The following CAPN12 variants were observed in gnomAD, a reference collection of about 807,000 sequenced individuals.
The protein encoded by CAPN12 is calpain-12.
In CAPN12, 107 loss-of-function variants were observed where a neutral mutation model predicts 95.0. That is an observed-to-expected ratio of 1.13 (90% CI 0.96 to 1.32). The LOEUF (loss-of-function observed/expected upper bound fraction) is 1.32, where lower values mean the gene tolerates loss of function less well. Ranked by LOEUF, CAPN12 falls within the 40% of genes most tolerant of loss-of-function variation. The pLI is 0.00. For synonymous variants in CAPN12, 505 were observed against 415.5 expected (o/e 1.22, Z -2.62); for missense variants, 1,136 against 997.8 (o/e 1.14, Z -1.87).
chr19:38,733,575 C>A, intron 18 of CAPN12, 128 bp downstream of exon 18: 5 of 807,244 alleles, frequency 6.2e-6, no homozygotes, highest in Non-Finnish European at 9.9e-6. Context: ...GGACTGGCAA[C>A]AAGCTAAGGT....
At chr19:38,733,863 G>A (rs1487697727) in intron 17 of CAPN12, 82 bp from the exon 18 acceptor site, 2 of 1,202,420 alleles carry the variant, frequency 1.7e-6, no homozygotes, top group South Asian at 1.3e-5. Flanking sequence ...AGACAGCCTG[G>A]TGCCCATCCC....
At chr19:38,739,892 T>G in intron 5 of CAPN12, 159 bp downstream of exon 5, 1 of 704,574 alleles carries the variant, frequency 1.4e-6, no homozygotes, top group Non-Finnish European at 2.1e-6. Context: ...CCCTGATTCA[T>G]GAGAGCAAAT....
chr19:38,731,310 T>TA, intron 18 of CAPN12, 87 bp from the exon 19 acceptor site: 1 of 995,426 alleles, frequency 1.0e-6, no homozygotes, highest in Non-Finnish European at 1.6e-6. Flanking sequence ...AGGGAGGACA[T>TA]GAATGCCACA....
chr19:38,734,264 C>A (rs1969849638), intron 16 of CAPN12, 55 bp downstream of exon 16: 2 of 1,603,830 alleles, frequency 1.2e-6, no homozygotes, highest in African/African-American at 1.3e-5. Flanking sequence ...GGAGGAGAGA[C>A]CCCAACGTCC....
intron 14 of CAPN12, 54 bp downstream of exon 14, chr19:38,735,316 T>C (rs1331387886): frequency 6.7e-7 from 1 of 1,481,754 alleles, no homozygotes; most frequent in Admixed American, 2.2e-5. Context: ...GGAAGGGGGG[T>C]CCCCAAGGGG....
In CAPN12 at chr19:38,734,381, G is replaced by A. The variant is rs375291951; in HGVS notation, c.1753C>T (p.His585Tyr). 2.7e-5 allele frequency: 43 copies of A among 1,598,112 alleles called. No individual in the cohort carries two copies. The highest frequency in any genetic ancestry group is 1.9e-4 in the Admixed American group (11 of 57,722). Residue 585 changes from histidine (H) to tyrosine (Y), a missense_variant, in exon 16 of 21, where the codon CAT becomes TAT. His to Tyr is a moderately conservative substitution (Grantham distance 83). Coordinates refer to ENST00000328867, the MANE Select transcript of CAPN12 (RefSeq NM_144691.4). ...LSIALEPARA[H>Y]TSTPREIGLR... ...CCGATCTCTCTGGGGGTGGAGGTAT[G>A]GGCCCTGGCTACAGGAAAAACAAAG...
Position 38,736,542 on chromosome 19 carries a change from C to G in CAPN12, c.1374+10G>C, listed in dbSNP as rs1265392174. The G allele has an allele frequency of 1.9e-6, 3 of 1,575,698 alleles. No homozygotes were observed. Among genetic ancestry groups the G allele is most frequent in the East Asian group, 4.7e-5 (2 of 42,674 alleles). On this transcript the variant is annotated intron_variant, in intron 11 of 20. Transcript: ENST00000328867. ...AGCCCCAGGGCCGGTTGACCCCATCCCAGACTCACCTCCTCTGGAATCTGA... is the reference window on the plus strand; with the variant it reads ...AGCCCCAGGGCCGGTTGACCCCATCGCAGACTCACCTCCTCTGGAATCTGA...
rs1311103877 is a variant in CAPN12, at chr19:38,743,095, C to A, written c.245G>T (p.Cys82Phe). 1.2e-6 allele frequency: 2 copies of A among 1,613,908 alleles called. No individual in the cohort carries two copies. The highest frequency in any genetic ancestry group is 2.2e-5 in the East Asian group (1 of 44,898). The change falls in exon 2 of 21, where the codon TGT (cysteine) becomes TTT (phenylalanine). Residue 82 changes from cysteine to phenylalanine, a missense_variant. Transcript: ENST00000328867. Reference sequence around the variant, plus strand: ...TTCACAGATGAACTTCGGCTCAGCACAGAACTCCTGTGGGTGGTGGGGGAT... The same window carrying A: ...TTCACAGATGAACTTCGGCTCAGCAAAGAACTCCTGTGGGTGGTGGGGGAT... ...GVKWMRPHEF[C>F]AEPKFICEDM...
chr19:38,731,144 CCGCT>C lies in CAPN12; in HGVS notation c.2033_2036del (p.Glu678GlyfsTer29), dbSNP rs1568762334. On this transcript the variant is annotated frameshift_variant, in exon 19 of 21. Coordinates refer to ENST00000328867, the MANE Select transcript of CAPN12 (RefSeq NM_144691.4). LOFTEE classifies it high-confidence loss of function. Reference sequence around the variant, plus strand: ...TGAGGTGGGCCACACAGGACACGAACCGCTCGAAGTCCACACGCAGACGGCTATC... The same window carrying C: ...TGAGGTGGGCCACACAGGACACGAACCGAAGTCCACACGCAGACGGCTATC... The C allele has an allele frequency of 1.2e-5, 19 of 1,613,056 alleles. No homozygotes were observed. The highest frequency in any genetic ancestry group is 1.4e-5 in the Non-Finnish European group (17 of 1,179,968).
In CAPN12 at chr19:38,739,789, G is replaced by C. The variant is rs1970442058; in HGVS notation, c.729+262C>G. On this transcript the variant is annotated intron_variant, in intron 5 of 20. Coordinates refer to ENST00000328867, the MANE Select transcript of CAPN12 (RefSeq NM_144691.4). ...ATGGGGGATCCTTTTATGCCCATGA[G>C]GGGAGAGCCTGGCTGAGAGTGACAC... The C allele has an allele frequency of 2.0e-5, 7 of 346,722 alleles. No homozygotes were observed. The South Asian group carries it at 7.3e-4, about 36-fold the overall frequency. The allele number at this position is 346,722 out of a possible 1,614,324, so 21.5% of individuals were successfully genotyped here. A position where few individuals can be genotyped will look rare whatever the true frequency, so the allele number is the denominator to read the frequency against.
In CAPN12 at chr19:38,744,418, G is replaced by T; in HGVS notation, c.-253C>A. The T allele has an allele frequency of 1.8e-6, 1 of 561,328 alleles. No individual in the cohort carries two copies. Among genetic ancestry groups the T allele is most frequent in the Non-Finnish European group, 3.2e-6 (1 of 313,188 alleles). 34.8% of individuals were successfully genotyped at this position (561,328 alleles called of 1,614,324 possible). ...CTTGGCCAGCAGCAGGAGAGAAGGC[G>T]GGCAGAGCTGAGGGAGGACCGGCTG... On this transcript the variant is annotated 5_prime_UTR_variant, in exon 1 of 21. Transcript: ENST00000328867.
intron 18 of CAPN12, among the ~76,000 whole-genome samples, chr19:38,732,150 A>G (rs1969666703): frequency 6.6e-6 from 1 of 152,212 alleles, no homozygotes; most frequent in South Asian, 2.1e-4. Flanking sequence ...AACTCCTGGC[A>G]TGTAACAGGC....
At chr19:38,733,393 C>T (rs999238998) in intron 18 of CAPN12, 5 of 373,112 alleles carry the variant, frequency 1.3e-5, no homozygotes, top group African/African-American at 6.2e-5. Flanking sequence ...GCCCTGGGGG[C>T]CAGACCCTCT....
In CAPN12 at chr19:38,730,664, G is replaced by GCTGTT. The variant is rs970440645; in HGVS notation, c.*183_*187dup. 13 of 664,544 alleles carry GCTGTT rather than the reference G, an allele frequency of 2.0e-5. No homozygotes were observed. The Admixed American group carries it at 2.9e-4, about 15-fold the overall frequency. The allele number at this position is 664,544 out of a possible 1,614,324, so 41.2% of individuals were successfully genotyped here. On this transcript the variant is annotated 3_prime_UTR_variant, in exon 21 of 21. Coordinates refer to ENST00000328867, the MANE Select transcript of CAPN12 (RefSeq NM_144691.4). ...TGTCATCTGCTCGAGAAGGGCTGTC[G>GCTGTT]CTGTTCTTGTTTCTGAGTGAGGAGT...
At chr19:38,737,133 C>T (rs1344103754) in intron 10 of CAPN12, 23 bp downstream of exon 10, 2 of 1,536,996 alleles carry the variant, frequency 1.3e-6, no homozygotes, top group East Asian at 2.5e-5. Context: ...TCCCTCCAGC[C>T]TCAGCTTTGC....
At position 38,734,433 on chromosome 19, in the gene CAPN12, G is replaced by A. The variant is rs375259369; in HGVS notation, c.1745-44C>T. 2.5e-5 allele frequency: 38 copies of A among 1,518,026 alleles called. No individual in the cohort carries two copies. In the East Asian group the frequency reaches 6.1e-4, roughly 24 times the overall value. 94.0% of individuals were successfully genotyped at this position (1,518,026 alleles called of 1,614,324 possible). Reference sequence around the variant, plus strand: ...CAAACCACAGCACTTCCTGCATTCTGGCCACCACTTTAAGGGCTGGGTGGA... The same window carrying A: ...CAAACCACAGCACTTCCTGCATTCTAGCCACCACTTTAAGGGCTGGGTGGA... On this transcript the variant is annotated intron_variant, in intron 15 of 20. Transcript: ENST00000328867.
At chr19:38,734,604 C>G in intron 15 of CAPN12, 1 of 651,058 alleles carries the variant, frequency 1.5e-6, no homozygotes, top group Non-Finnish European at 2.6e-6. Flanking sequence ...CCTTGCCTTT[C>G]AGCGGAAGGG....
At position 38,736,581 on chromosome 19, in the gene CAPN12, A is replaced by AAGGGGCGTCGGGGCAGGGGAGAG. The variant is rs527762443; in HGVS notation, c.1363-41_1363-19dup. 2.5e-4 allele frequency: 390 copies of AAGGGGCGTCGGGGCAGGGGAGAG among 1,560,248 alleles called. 12 individuals are homozygous for AAGGGGCGTCGGGGCAGGGGAGAG. The highest frequency in any genetic ancestry group is 9.9e-4 in the Admixed American group (54 of 54,726). On this transcript the variant is annotated intron_variant, in intron 10 of 20. Transcript: ENST00000328867. ...TCTGGAATCTGAAAGAAGCAAGAGC[A>AAGGGGCGTCGGGGCAGGGGAGAG]AGGGGCGTCGGGGCAGGGGAGAGGT...
At chr19:38,744,671 G>C (rs1247164069), upstream of CAPN12, among the ~76,000 whole-genome samples, 5 of 152,132 alleles carry the variant, frequency 3.3e-5, no homozygotes, top group East Asian at 9.6e-4. Flanking sequence ...CGCCTTCTAG[G>C]TTCAAGTGAT....
Sources: allele counts gnomAD v4.1 joint callset (sites outside exome capture counted in the v4.1 genomes callset), GRCh38; gene constraint gnomAD v4.1.1; transcripts MANE v1.5; gene names NCBI Gene and HGNC (gene_info 2026-07-23, HGNC 2026-07-21).